The following ACACA variants were observed in gnomAD, a reference collection of about 807,000 sequenced individuals.
The protein encoded by ACACA is acetyl-CoA carboxylase 1.
ACACA carries 103 observed loss-of-function variants against 296.1 expected under a neutral mutation model. The ratio of observed to expected loss-of-function variants is 0.35; its 90% CI spans 0.30 to 0.41. The LOEUF (loss-of-function observed/expected upper bound fraction) is 0.41, where lower values mean the gene tolerates loss of function less well. ACACA is among the 10% of genes least tolerant of loss of function. ACACA has a pLI of 1.00. For synonymous variants in ACACA, 953 were observed against 1,038.6 expected (o/e 0.92, Z 1.58); for missense variants, 1,554 against 2,989.7 (o/e 0.52, Z 11.20).
chr17:37,120,736 C>T (rs1397981803), intron 50 of ACACA, among the ~76,000 whole-genome samples: 1 of 148,596 alleles, frequency 6.7e-6, no homozygotes. Context: ...TTTGGCTCTC[C>T]CTGTAGTGTC....
intron 1 of ACACA, among the ~76,000 whole-genome samples, chr17:37,383,290 G>A (rs1218631744): frequency 6.6e-6 from 1 of 152,052 alleles, no homozygotes. Context: ...GAAAACTGAG[G>A]GGTTAAGGGG....
intron 18 of ACACA, 104 bp from the exon 19 acceptor site, chr17:37,247,080 A>G: frequency 2.4e-6 from 3 of 1,239,406 alleles, no homozygotes; most frequent in Non-Finnish European, 3.5e-6. Context: ...TGAAAACTTT[A>G]TTATACACAC....
chr17:37,277,025 C>T lies in ACACA; in HGVS notation c.802+8G>A, dbSNP rs914359610. On this transcript the variant is annotated splice_region_variant and intron_variant, in intron 7 of 55. Transcript: ENST00000616317. Reference sequence around the variant, plus strand: ...CAGAAAGACGGACAATATGTCAGAACAGCTTACCCATGAAGGCAATGCCAT... The same window carrying T: ...CAGAAAGACGGACAATATGTCAGAATAGCTTACCCATGAAGGCAATGCCAT... 1.9e-6 allele frequency: 3 copies of T among 1,611,086 alleles called. No homozygotes were observed. The African/African-American group carries it at 4.0e-5, about 22-fold the overall frequency.
At chr17:37,164,078 C>G (rs1024827496) in intron 41 of ACACA, among the ~76,000 whole-genome samples, 2 of 133,910 alleles carry the variant, frequency 1.5e-5, no homozygotes, top group African/African-American at 2.7e-5. Context: ...TCTCTCACCC[C>G]CCTCCTTGCC....
Position 37,270,754 on chromosome 17 carries a change from T to C in ACACA, c.1116A>G (p.Arg372=). Residue 372 remains arginine, a synonymous_variant, in exon 10 of 56, where the codon AGA becomes AGG. Transcript: ENST00000616317. ...NNADDFPNLF[R]QVQAEVPGSP... The stretch of plus-strand genomic sequence containing the variant: ...ACAAAAACAGCTTATACTCTACCTG[T>C]CTGAAGAGATTAGGGAAGTCATCTG... The C allele has an allele frequency of 6.2e-7, 1 of 1,609,864 alleles. No homozygotes were observed. The highest frequency in any genetic ancestry group is 8.5e-7 in the Non-Finnish European group (1 of 1,176,170).
chr17:37,126,220 A>G (rs558865785), intron 47 of ACACA, among the ~76,000 whole-genome samples: 1 of 152,324 alleles, frequency 6.6e-6, no homozygotes, highest in African/African-American at 2.4e-5. Flanking sequence ...CTTTCTTTTA[A>G]CTGAAGGCTA....
intron 1 of ACACA, chr17:37,379,488 A>T: frequency 7.3e-7 from 1 of 1,363,344 alleles, no homozygotes. Context: ...TGAATTATCC[A>T]CTTTTTGATG....
chr17:37,104,058 T>C (rs561692860), intron 52 of ACACA, among the ~76,000 whole-genome samples: 14 of 152,230 alleles, frequency 9.2e-5, no homozygotes, highest in South Asian at 4.1e-4. Flanking sequence ...TTGGGCCACA[T>C]TGGAAGAAGA....
chr17:37,094,575 C>A (rs867065848), intron 54 of ACACA, among the ~76,000 whole-genome samples: 15 of 68,868 alleles, frequency 2.2e-4, no homozygotes, highest in South Asian at 1.3e-3. Flanking sequence ...AAGAACCACC[C>A]CCCCCCCCCC....
intron 25 of ACACA, among the ~76,000 whole-genome samples, chr17:37,228,969 C>T (rs1179635785): frequency 1.3e-5 from 2 of 151,990 alleles, no homozygotes; most frequent in Non-Finnish European, 2.9e-5. Flanking sequence ...CGGTTGAAAC[C>T]CGTCTCTACT....
chr17:37,126,978 C>T (rs569480347), intron 47 of ACACA, among the ~76,000 whole-genome samples: 3 of 152,308 alleles, frequency 2.0e-5, no homozygotes, highest in East Asian at 1.9e-4. Context: ...CTTTCTTTAA[C>T]GCTTCCACTA....
chr17:37,107,381 C>T (rs767608344), intron 52 of ACACA, among the ~76,000 whole-genome samples: 1 of 152,196 alleles, frequency 6.6e-6, no homozygotes, highest in South Asian at 2.1e-4. Context: ...GTCCCCTTAG[C>T]CCAGGGAACA....
chr17:37,401,731 T>C (rs2051299241), intron 1 of ACACA, among the ~76,000 whole-genome samples: 1 of 152,092 alleles, frequency 6.6e-6, no homozygotes, highest in South Asian at 2.1e-4. Flanking sequence ...GCTAATTTTT[T>C]GATTTTTTTG....
At chr17:37,359,118 C>G in intron 1 of ACACA, 2 of 985,540 alleles carry the variant, frequency 2.0e-6, no homozygotes, top group Non-Finnish European at 2.4e-6. Context: ...ACCAGGCCGG[C>G]CCGGCACACG....
intron 1 of ACACA, among the ~76,000 whole-genome samples, chr17:37,403,456 C>T (rs1297969287): frequency 6.7e-6 from 1 of 149,580 alleles, no homozygotes; most frequent in Non-Finnish European, 1.5e-5. Context: ...AATGCAGCCT[C>T]AACCCTCTGG....
chr17:37,116,399 T>C (rs2074256087), intron 50 of ACACA, among the ~76,000 whole-genome samples: 1 of 152,210 alleles, frequency 6.6e-6, no homozygotes, highest in Non-Finnish European at 1.5e-5. Context: ...CTTGAATACA[T>C]GACTGAATAT....
At chr17:37,333,158 G>A (rs2047962512) in intron 2 of ACACA, among the ~76,000 whole-genome samples, 1 of 152,122 alleles carries the variant, frequency 6.6e-6, no homozygotes, top group African/African-American at 2.4e-5. Context: ...GCAGGAAAAA[G>A]GATAAATATA....
chr17:37,404,311 AGGT>A lies in ACACA; in HGVS notation c.38+1948_38+1950del, dbSNP rs544514550. 2.4e-4 allele frequency among the ~76,000 whole-genome samples: 37 copies of A among 152,316 alleles called. 1 individual carries two copies. The South Asian group carries it at 7.5e-3, about 31-fold the overall frequency. On this transcript the variant is annotated intron_variant, in intron 1 of 55. Transcript: ENST00000616317. ...AGTGGTTGTAAAGCTGTACAGCTAT[AGGT>A]GAAACACTAATGTTAATCAACTATC...
intron 1 of ACACA, among the ~76,000 whole-genome samples, chr17:37,349,894 T>A (rs764375214): frequency 1.3e-5 from 2 of 152,114 alleles, no homozygotes; most frequent in Non-Finnish European, 2.9e-5. Flanking sequence ...GGGAAAAGTA[T>A]CTTTACAATG....
Sources: allele counts gnomAD v4.1 joint callset (sites outside exome capture counted in the v4.1 genomes callset), GRCh38; gene constraint gnomAD v4.1.1; transcripts MANE v1.5; gene names NCBI Gene and HGNC (gene_info 2026-07-23, HGNC 2026-07-21).